Variants in ARAP1 observed in about 807,000 individuals in gnomAD.
The protein encoded by ARAP1 is arf-GAP with Rho-GAP domain, ANK repeat and PH domain-containing protein 1.
In ARAP1, 76 loss-of-function variants were observed where a neutral mutation model predicts 172.2. The observed-to-expected ratio is 0.44, with a 90% CI of 0.37 to 0.53. The LOEUF (loss-of-function observed/expected upper bound fraction) is 0.53. Among genes scored for constraint, ARAP1 ranks in the 20% least tolerant of loss-of-function variants. The pLI is 0.00. For missense variants in ARAP1, 1,686 were observed against 1,977.5 expected (o/e 0.85, Z 2.80); for synonymous variants, 804 against 803.3 (o/e 1.00, Z -0.01).
chr11:72,719,099 C>A (rs1857403524), intron 3 of ARAP1, among the ~76,000 whole-genome samples: 1 of 152,178 alleles, frequency 6.6e-6, no homozygotes, highest in Admixed American at 6.5e-5. Flanking sequence ...GATGCCACAG[C>A]TGGTATTTGA....
Position 72,704,283 on chromosome 11 carries a change from C to T in ARAP1, c.1861G>A (p.Val621Met), listed in dbSNP as rs751760480. The T allele has an allele frequency of 6.4e-5, 103 of 1,611,530 alleles. 1 individual carries two copies. The highest frequency in any genetic ancestry group is 1.8e-4 in the South Asian group (16 of 90,808). Residue 621 changes from valine to methionine, a missense_variant, in exon 14 of 35, where the codon GTG (valine) becomes ATG (methionine). By Grantham distance (21) the Val-to-Met change is conservative. Transcript: ENST00000393609. ...GAGNRFWAAN[V>M]PPSEALQPSS... Reference sequence around the variant, plus strand: ...GGCTGCAGGGCCTCACTGGGGGGCACGTTGGCTGCCCAGAAGCGGTTCCCA... The same window carrying T: ...GGCTGCAGGGCCTCACTGGGGGGCATGTTGGCTGCCCAGAAGCGGTTCCCA...
chr11:72,716,972 G>A (rs79122111), intron 3 of ARAP1, among the ~76,000 whole-genome samples: 4,763 of 152,254 alleles, frequency 0.031, 111 homozygotes, highest in Middle Eastern at 0.082. Flanking sequence ...GCACCAGGCC[G>A]TCTCCCCTAC....
chr11:72,749,191 C>A (rs1324582584), intron 1 of ARAP1, among the ~76,000 whole-genome samples: 1 of 152,122 alleles, frequency 6.6e-6, no homozygotes, highest in Non-Finnish European at 1.5e-5. Flanking sequence ...CTCACTCAGC[C>A]CTGGGAGGTG....
intron 3 of ARAP1, 132 bp from the exon 4 acceptor site, chr11:72,714,453 C>T: frequency 2.3e-6 from 2 of 882,026 alleles, no homozygotes; most frequent in Non-Finnish European, 3.4e-6. Flanking sequence ...AGCCCTCCTG[C>T]ACACAGTCCT....
chr11:72,689,227 C>T (rs1202197110), intron 30 of ARAP1, among the ~76,000 whole-genome samples: 1 of 152,142 alleles, frequency 6.6e-6, no homozygotes. Context: ...TCACCTCTGG[C>T]CCCCGCCTCT....
At chr11:72,714,389 A>C in intron 3 of ARAP1, 68 bp from the exon 4 acceptor site, 1 of 1,470,824 alleles carries the variant, frequency 6.8e-7, no homozygotes, top group Non-Finnish European at 9.1e-7. Context: ...CTGAGCCCCC[A>C]GCTCACCTGA....
chr11:72,708,657 G>A (rs769290074), intron 11 of ARAP1: 1 of 152,510 alleles, frequency 6.6e-6, no homozygotes, highest in Non-Finnish European at 1.5e-5. Context: ...CGGCCCAAGA[G>A]TGAGGAGGCA....
chr11:72,711,383 A>G, intron 8 of ARAP1, 47 bp downstream of exon 8: 1 of 1,587,594 alleles, frequency 6.3e-7, no homozygotes, highest in Non-Finnish European at 8.6e-7. Flanking sequence ...TGTTGGGGCC[A>G]GCCTAGGCTG....
chr11:72,722,049 T>C lies in ARAP1; in HGVS notation c.509+4571A>G, dbSNP rs558532852. ...GAGGTTTTTGAGCCCAGGTATGGCT[T>C]TGCACCTGTGATTTATGTCTTTAAG... On this transcript the variant is annotated intron_variant, in intron 3 of 34. Transcript: ENST00000393609. 9.8e-5 allele frequency: 97 copies of C among 985,626 alleles called. No homozygotes were observed. In the African/African-American group the frequency reaches 1.6e-3, roughly 16 times the overall value. The allele number at this position is 985,626 out of a possible 1,614,324, so 61.1% of individuals were successfully genotyped here.
At chr11:72,712,060 G>A (rs1857037757) in intron 7 of ARAP1, 136 bp downstream of exon 7, 2 of 1,237,176 alleles carry the variant, frequency 1.6e-6, no homozygotes, top group Admixed American at 6.3e-5. Flanking sequence ...CAGTGTGCCT[G>A]GAGGGAGACC....
chr11:72,751,874 G>A (rs1858541235), intron 1 of ARAP1, among the ~76,000 whole-genome samples: 1 of 152,234 alleles, frequency 6.6e-6, no homozygotes, highest in Admixed American at 6.5e-5. Flanking sequence ...GGGCTCTGGG[G>A]AAGCCATGCC....
At chr11:72,715,326 A>T (rs1857223571) in intron 3 of ARAP1, among the ~76,000 whole-genome samples, 1 of 151,668 alleles carries the variant, frequency 6.6e-6, no homozygotes, top group Non-Finnish European at 1.5e-5. Flanking sequence ...TGTCTCTGCC[A>T]GTGCCCTGCA....
chr11:72,712,926 G>A, intron 5 of ARAP1: 1 of 598,756 alleles, frequency 1.7e-6, no homozygotes, highest in Non-Finnish European at 3.0e-6. Context: ...ACAGGGTGGG[G>A]GGAGGCCACA....
Position 72,693,340 on chromosome 11 carries a change from G to A in ARAP1, c.3939C>T (p.Leu1313=). 2.5e-6 allele frequency: 4 copies of A among 1,613,868 alleles called. No individual in the cohort carries two copies. Among genetic ancestry groups the A allele is most frequent in the Non-Finnish European group, 3.4e-6 (4 of 1,179,810 alleles). ...GGCCACTTACCCGGACCTCCTTGTA[G>A]AGCCGCAAGCAGCTGCTGTTGAGGA... The part of the protein sequence containing the change: ...YFILNSSCLR[L]YKEVRSQRPW... Residue 1313 remains leucine, a synonymous_variant, in exon 29 of 35, where the codon CTC becomes CTT. Coordinates refer to ENST00000393609, the MANE Select transcript of ARAP1 (RefSeq NM_001040118.3). The surrounding 1 kb of genome is among the most constrained non-coding windows in gnomAD (Gnocchi z 4.6).
chr11:72,689,270 G>A (rs1179737548), intron 30 of ARAP1, among the ~76,000 whole-genome samples: 1 of 152,194 alleles, frequency 6.6e-6, no homozygotes, highest in Non-Finnish European at 1.5e-5. Flanking sequence ...GGAGCAGGCT[G>A]GCTCGGAGGC....
In ARAP1 at chr11:72,699,694, C is replaced by G. The variant is rs1856386915; in HGVS notation, c.2303-142G>C. 5.1e-6 allele frequency: 6 copies of G among 1,181,478 alleles called. No homozygotes were observed. The highest frequency in any genetic ancestry group is 7.0e-6 in the Non-Finnish European group (6 of 853,710). 73.2% of individuals were successfully genotyped at this position (1,181,478 alleles called of 1,614,324 possible). A position where few individuals can be genotyped will look rare whatever the true frequency, so the allele number is the denominator to read the frequency against. ...GTTTTCCCTAAATCCATCCACCTCT[C>G]TGCATCCCCACCACGCTAGCCAGCC... On this transcript the variant is annotated intron_variant, in intron 16 of 34. Coordinates refer to ENST00000393609, the MANE Select transcript of ARAP1 (RefSeq NM_001040118.3). This position sits in a 1 kb window ranked among gnomAD's most constrained non-coding sequence, Gnocchi z 4.2.
chr11:72,729,901 G>A (rs1857806920), intron 2 of ARAP1, among the ~76,000 whole-genome samples: 1 of 150,060 alleles, frequency 6.7e-6, no homozygotes, highest in South Asian at 2.1e-4. Flanking sequence ...CTCCACCCTG[G>A]GCAACAGAGT....
In ARAP1 at chr11:72,685,201, C is replaced by T. The variant is rs1390609329; in HGVS notation, c.*463G>A. ...GAAGTCCCCAAAGCGCAGCTCTCAG[C>T]CCTGTAGAAGCTCAGCCAAGAGCTC... On this transcript the variant is annotated 3_prime_UTR_variant, in exon 35 of 35. Transcript: ENST00000393609. 6 of 178,814 alleles carry T rather than the reference C, an allele frequency of 3.4e-5. No homozygotes were observed. The highest frequency in any genetic ancestry group is 1.1e-4 in the Admixed American group (2 of 18,238). 11.1% of individuals were successfully genotyped at this position (178,814 alleles called of 1,614,324 possible).
chr11:72,710,262 G>T lies in ARAP1; in HGVS notation c.1416+123C>A. 2 of 1,247,614 alleles carry T rather than the reference G, an allele frequency of 1.6e-6. No homozygotes were observed. The highest frequency in any genetic ancestry group is 2.3e-6 in the Non-Finnish European group (2 of 872,118). 77.3% of individuals were successfully genotyped at this position (1,247,614 alleles called of 1,614,324 possible). Reference sequence around the variant, plus strand: ...ACTTGGGGGAGCGAGGACATATCCAGGCAAAGGGCTGGGCCCAGTGCAGGA... The same window carrying T: ...ACTTGGGGGAGCGAGGACATATCCATGCAAAGGGCTGGGCCCAGTGCAGGA... On this transcript the variant is annotated intron_variant, in intron 10 of 34. Transcript: ENST00000393609. The surrounding 1 kb of genome is among the most constrained non-coding windows in gnomAD (Gnocchi z 4.3).
Sources: gnomAD v4.1 joint callset for allele counts (sites outside exome capture counted in the v4.1 genomes callset) on GRCh38, gnomAD v4.1.1 for gene constraint, Gnocchi (gnomAD v3.1) non-coding constraint, MANE v1.5 for transcripts, NCBI Gene and HGNC (gene_info 2026-07-23, HGNC 2026-07-21) for gene names.